DIAPH3: variants seen among roughly 807,000 people sequenced by gnomAD.
DIAPH3 encodes the protein protein diaphanous homolog 3.
In DIAPH3, 117 loss-of-function variants were observed where a neutral mutation model predicts 144.3. That is an observed-to-expected ratio of 0.81 (90% CI 0.70 to 0.95). DIAPH3 has a LOEUF of 0.95. DIAPH3 is among the 40% of genes least tolerant of loss of function. The pLI is 0.00. For synonymous variants in DIAPH3, 519 were observed against 488.9 expected (o/e 1.06, Z -0.81); for missense variants, 1,421 against 1,412.7 (o/e 1.01, Z -0.09).
intron 4 of DIAPH3, among the ~76,000 whole-genome samples, chr13:60,049,262 T>C (rs1228089926): frequency 6.6e-6 from 1 of 152,204 alleles, no homozygotes; most frequent in East Asian, 1.9e-4. Flanking sequence ...GCAGAGCTAT[T>C]AAATTTGGTG....
rs191967812 is a variant in DIAPH3, at chr13:60,122,632, T to C, written c.213+10325A>G. 2.0e-5 allele frequency among the ~76,000 whole-genome samples: 3 copies of C among 152,250 alleles called. No individual in the cohort carries two copies. In the East Asian group the frequency reaches 5.8e-4, roughly 29 times the overall value. The stretch of plus-strand genomic sequence containing the variant: ...TGCCATGCTAAATTTTTCTCAACAA[T>C]ATTTTAAATAAAAAATAATTAACAC... On this transcript the variant is annotated intron_variant, in intron 2 of 27. Coordinates refer to ENST00000400324, the MANE Select transcript of DIAPH3 (RefSeq NM_001042517.2).
rs1223208026 is a variant in DIAPH3, at chr13:60,016,053, A to G, written c.701+18T>C. 2.5e-6 allele frequency: 4 copies of G among 1,611,640 alleles called. No individual in the cohort carries two copies. The South Asian group carries it at 4.4e-5, about 18-fold the overall frequency. ...TATGAATGATGCTTACTTGAAAATAATTATTAGCAATACTTACATTTTTCC... is the reference window on the plus strand; with the variant it reads ...TATGAATGATGCTTACTTGAAAATAGTTATTAGCAATACTTACATTTTTCC... On this transcript the variant is annotated intron_variant, in intron 6 of 27. Coordinates refer to ENST00000400324, the MANE Select transcript of DIAPH3 (RefSeq NM_001042517.2).
At chr13:59,954,756 C>T (rs2049293357) in intron 17 of DIAPH3, among the ~76,000 whole-genome samples, 1 of 151,954 alleles carries the variant, frequency 6.6e-6, no homozygotes, top group South Asian at 2.1e-4. Context: ...AAAGGGGAAG[C>T]CAGTACATCC....
chr13:59,748,632 C>T (rs1024052367), intron 27 of DIAPH3, among the ~76,000 whole-genome samples: 2 of 152,196 alleles, frequency 1.3e-5, no homozygotes, highest in Admixed American at 6.5e-5. Context: ...TTCATTGCTA[C>T]AAGTGTTATT....
chr13:59,723,609 C>CT (rs964069808), intron 27 of DIAPH3, among the ~76,000 whole-genome samples: 162 of 144,146 alleles, frequency 1.1e-3, no homozygotes, highest in Non-Finnish European at 1.6e-3. Context: ...AAATGATGGT[C>CT]TTTTTTTTTT....
At chr13:60,104,566 G>GCACAAACA (rs1555375783) in intron 3 of DIAPH3, among the ~76,000 whole-genome samples, 1 of 147,026 alleles carries the variant, frequency 6.8e-6, no homozygotes, top group Non-Finnish European at 1.5e-5. Flanking sequence ...CAGTATCAAG[G>GCACAAACA]CACACACACA....
chr13:59,665,784 AC>A lies in DIAPH3; in HGVS notation c.*799del. Reference sequence around the variant, plus strand: ...TATTCATAAAATAAAAAAAGTTGTTACTTTGGAAATTTCAAAATGGCAATTT... The same window carrying A: ...TATTCATAAAATAAAAAAAGTTGTTATTTGGAAATTTCAAAATGGCAATTT... On this transcript the variant is annotated 3_prime_UTR_variant, in exon 28 of 28. Coordinates refer to ENST00000400324, the MANE Select transcript of DIAPH3 (RefSeq NM_001042517.2). 1 of 152,670 alleles carries A rather than the reference AC, an allele frequency of 6.6e-6. No individual in the cohort carries two copies. The highest frequency in any genetic ancestry group is 1.5e-5 in the Non-Finnish European group (1 of 68,036). 9.5% of individuals were successfully genotyped at this position (152,670 alleles called of 1,614,324 possible). A position where few individuals can be genotyped will look rare whatever the true frequency, so the allele number is the denominator to read the frequency against.
At chr13:60,083,546 C>T (rs908642857) in intron 4 of DIAPH3, among the ~76,000 whole-genome samples, 10 of 152,018 alleles carry the variant, frequency 6.6e-5, no homozygotes, top group South Asian at 2.1e-4. Context: ...TAGGAAAACA[C>T]GTTAACTTTA....
At chr13:60,115,802 GTTT>G (rs1482601400) in intron 2 of DIAPH3, among the ~76,000 whole-genome samples, 3 of 151,972 alleles carry the variant, frequency 2.0e-5, no homozygotes, top group Non-Finnish European at 4.4e-5. Flanking sequence ...TTGTCTGCAA[GTTT>G]TTTCAAATTA....
chr13:59,706,546 T>A (rs2034438376), intron 27 of DIAPH3, among the ~76,000 whole-genome samples: 1 of 152,204 alleles, frequency 6.6e-6, no homozygotes, highest in South Asian at 2.1e-4. Context: ...GGTGATTAAG[T>A]TACTCTAATA....
intron 27 of DIAPH3, among the ~76,000 whole-genome samples, chr13:59,690,197 A>C (rs762064541): frequency 3.3e-5 from 5 of 152,094 alleles, no homozygotes; most frequent in Non-Finnish European, 5.9e-5. Flanking sequence ...TTTGTCTGTG[A>C]GCACTTTATG....
intron 25 of DIAPH3, among the ~76,000 whole-genome samples, chr13:59,806,162 A>C (rs1268718766): frequency 1.3e-5 from 2 of 152,044 alleles, no homozygotes; most frequent in Non-Finnish European, 2.9e-5. Context: ...TTACATATGA[A>C]AATAAGCTAA....
Position 59,970,944 on chromosome 13 carries a change from T to G in DIAPH3, c.1867A>C (p.Asn623His). The G allele has an allele frequency of 6.2e-7, 1 of 1,613,930 alleles. No homozygotes were observed. The highest frequency in any genetic ancestry group is 8.5e-7 in the Non-Finnish European group (1 of 1,179,976). The change falls in exon 16 of 28, where the codon AAT becomes CAT. Residue 623 changes from asparagine to histidine, a missense_variant. Coordinates refer to ENST00000400324, the MANE Select transcript of DIAPH3 (RefSeq NM_001042517.2). ...PPPLGFLGGQ[N>H]SPPLPILPFG... ...GGCAGGATTGGTAGAGGAGGAGAAT[T>G]TTGTCCTCCAAGGAATCCCAGGGGA...
chr13:59,706,570 A>G (rs2034441461), intron 27 of DIAPH3, among the ~76,000 whole-genome samples: 1 of 152,242 alleles, frequency 6.6e-6, no homozygotes, highest in Non-Finnish European at 1.5e-5. Flanking sequence ...TGCTTAATGT[A>G]TACTTTGTAA....
At chr13:60,106,380 T>G (rs961495021) in intron 3 of DIAPH3, among the ~76,000 whole-genome samples, 1 of 151,914 alleles carries the variant, frequency 6.6e-6, no homozygotes, top group Non-Finnish European at 1.5e-5. Context: ...TGGAAAAAAA[T>G]TGGATCCACA....
chr13:59,775,522 G>A (rs1031230817), intron 25 of DIAPH3, among the ~76,000 whole-genome samples: 2 of 152,196 alleles, frequency 1.3e-5, no homozygotes, highest in Non-Finnish European at 2.9e-5. Flanking sequence ...GATTACAGGC[G>A]TGAGCCACTG....
intron 27 of DIAPH3, among the ~76,000 whole-genome samples, chr13:59,757,672 T>C (rs1366479474): frequency 6.6e-6 from 1 of 152,004 alleles, no homozygotes; most frequent in Non-Finnish European, 1.5e-5. Context: ...AGTGCTGGGA[T>C]TACAGGCGTG....
intron 27 of DIAPH3, among the ~76,000 whole-genome samples, chr13:59,742,566 G>GAAAAGAAAAGAA (rs139374895): frequency 0.44 from 57,652 of 132,452 alleles, 11,566 homozygotes; most frequent in African/African-American, 0.53. Context: ...GCTAAAAGAA[G>GAAAAGAAAAGAA]AAAAGAAAAG....
intron 3 of DIAPH3, among the ~76,000 whole-genome samples, chr13:60,104,595 C>CACACAA (rs61265383): frequency 6.6e-6 from 1 of 150,604 alleles, no homozygotes. Context: ...CACACACACA[C>CACACAA]GATGAGAAAA....
Sources: gnomAD v4.1 joint callset for allele counts (sites outside exome capture counted in the v4.1 genomes callset) on GRCh38, gnomAD v4.1.1 for gene constraint, MANE v1.5 for transcripts, NCBI Gene and HGNC (gene_info 2026-07-23, HGNC 2026-07-21) for gene names.